COL4A1: variants seen among roughly 807,000 people sequenced by gnomAD.
COL4A1 encodes collagen type IV alpha 1 chain, also known as collagen alpha-1(IV) chain.
In COL4A1, 40 loss-of-function variants were observed where a neutral mutation model predicts 216.6. That is an observed-to-expected ratio of 0.18 (90% CI 0.14 to 0.24). COL4A1 has a LOEUF of 0.24. Ranked by LOEUF, COL4A1 falls within the 10% of genes least tolerant of loss-of-function variation. The probability of loss-of-function intolerance (pLI) is 1.00; values close to 1 mark genes in which losing one functional copy is unlikely to be tolerated. For synonymous variants in COL4A1, 839 were observed against 810.7 expected (o/e 1.03, Z -0.59); for missense variants, 1,628 against 2,196.8 (o/e 0.74, Z 5.18).
At chr13:110,281,601 C>G (rs1284383108) in intron 1 of COL4A1, among the ~76,000 whole-genome samples, 1 of 152,166 alleles carries the variant, frequency 6.6e-6, no homozygotes, top group African/African-American at 2.4e-5. Flanking sequence ...CATCAAAAAT[C>G]TATAAATTAA....
In COL4A1 at chr13:110,176,417, A is replaced by G. The variant is rs1365635423; in HGVS notation, c.3058+7T>C. 1 of 1,601,722 alleles carries G rather than the reference A, an allele frequency of 6.2e-7. No individual in the cohort carries two copies. The highest frequency in any genetic ancestry group is 8.6e-7 in the Non-Finnish European group (1 of 1,168,656). Reference sequence around the variant, plus strand: ...TGCTAAAGAATCCTCTTCTAAATCCAGTTTACCTGGCAAGCCCATTCCACC... The same window carrying G: ...TGCTAAAGAATCCTCTTCTAAATCCGGTTTACCTGGCAAGCCCATTCCACC... On this transcript the variant is annotated splice_region_variant and intron_variant, in intron 36 of 51. Coordinates refer to ENST00000375820, the MANE Select transcript of COL4A1 (RefSeq NM_001845.6).
chr13:110,288,650 C>T (rs1883946326), intron 1 of COL4A1, among the ~76,000 whole-genome samples: 1 of 152,198 alleles, frequency 6.6e-6, no homozygotes, highest in Non-Finnish European at 1.5e-5. Flanking sequence ...GCATAACAGA[C>T]TGATTTTCCA....
intron 1 of COL4A1, among the ~76,000 whole-genome samples, chr13:110,297,404 A>G (rs1884317885): frequency 6.6e-6 from 1 of 152,188 alleles, no homozygotes; most frequent in Admixed American, 6.5e-5. Flanking sequence ...CGACCTTCAC[A>G]ACACAATAAA....
At chr13:110,201,662 G>C (rs771804150) in intron 18 of COL4A1, 140 bp from the exon 19 acceptor site, 3 of 838,278 alleles carry the variant, frequency 3.6e-6, no homozygotes, top group Non-Finnish European at 6.2e-6. Flanking sequence ...AATGGTAGCG[G>C]ACAAGGAGGA....
chr13:110,246,892 C>T (rs1438126586), intron 1 of COL4A1, among the ~76,000 whole-genome samples: 5 of 152,048 alleles, frequency 3.3e-5, no homozygotes, highest in African/African-American at 1.2e-4. Context: ...CCCGAGTGGT[C>T]ATGAGGATGA....
At chr13:110,153,781 C>T (rs892765132) in intron 50 of COL4A1, among the ~76,000 whole-genome samples, 3 of 152,064 alleles carry the variant, frequency 2.0e-5, no homozygotes, top group African/African-American at 7.2e-5. Flanking sequence ...TACACGTGCA[C>T]GAACATTTTA....
chr13:110,250,352 A>G (rs1882017532), intron 1 of COL4A1, among the ~76,000 whole-genome samples: 1 of 152,210 alleles, frequency 6.6e-6, no homozygotes, highest in Non-Finnish European at 1.5e-5. Flanking sequence ...TTTGCAGGGC[A>G]GAAAGGCTCC....
rs747393485 is a variant in COL4A1 at position 110,162,410 on chromosome 13, C to T, written c.4282G>A (p.Asp1428Asn). The T allele has an allele frequency of 1.7e-5, 27 of 1,614,068 alleles. No individual in the cohort carries two copies. In the South Asian group the frequency reaches 2.3e-4, roughly 14 times the overall value. The change falls in exon 48 of 52, where the codon GAT becomes AAT. Residue 1428 changes from aspartate (D) to asparagine (N), a missense_variant. Physicochemically the swap from Asp to Asn is conservative, Grantham distance 23. This residue lies in a region of COL4A1 where 23 missense variants were observed against 55.3 expected (regional missense o/e 0.42). Coordinates refer to ENST00000375820, the MANE Select transcript of COL4A1 (RefSeq NM_001845.6). ...PRGFPGPPGP[D>N]GLPGSMGPPG... ...GGCCCCATGGATCCTGGCAACCCAT[C>T]GGGGCCTGGTGGACCTGGAAATCCT...
At chr13:110,165,083 A>C (rs1877275790) in intron 45 of COL4A1, 93 bp from the exon 46 acceptor site, 1 of 1,537,034 alleles carries the variant, frequency 6.5e-7, no homozygotes, top group African/African-American at 1.4e-5. Flanking sequence ...AAGCTATCCA[A>C]ATGGAACGTA....
intron 2 of COL4A1, among the ~76,000 whole-genome samples, chr13:110,233,954 G>T (rs1436093824): frequency 1.3e-5 from 2 of 152,190 alleles, no homozygotes; most frequent in African/African-American, 4.8e-5. Context: ...TAGCTGGATG[G>T]GGATCCATGT....
chr13:110,257,928 T>C (rs1882650971), intron 1 of COL4A1, among the ~76,000 whole-genome samples: 1 of 152,200 alleles, frequency 6.6e-6, no homozygotes, highest in Non-Finnish European at 1.5e-5. Flanking sequence ...AAATAAGAAA[T>C]ACATAAAATA....
chr13:110,278,808 T>C (rs1021077974), intron 1 of COL4A1, among the ~76,000 whole-genome samples: 5 of 152,222 alleles, frequency 3.3e-5, no homozygotes, highest in African/African-American at 1.2e-4. Flanking sequence ...TCCATCTGCC[T>C]AGACTGTGGG....
At chr13:110,296,096 A>C (rs1055327132) in intron 1 of COL4A1, among the ~76,000 whole-genome samples, 1 of 152,242 alleles carries the variant, frequency 6.6e-6, no homozygotes, top group Non-Finnish European at 1.5e-5. Context: ...GGACCTTCCC[A>C]TAAATCGCTT....
chr13:110,152,544 TC>T, intron 50 of COL4A1, 38 bp from the exon 51 acceptor site: 2 of 1,588,254 alleles, frequency 1.3e-6, no homozygotes. Context: ...AGAGGTTCCC[TC>T]CCCAAACACC....
chr13:110,180,732 G>A (rs574212692), intron 29 of COL4A1, among the ~76,000 whole-genome samples: 5 of 152,364 alleles, frequency 3.3e-5, no homozygotes, highest in African/African-American at 1.2e-4. Context: ...TTCTCAAGCC[G>A]GGGCAATCTG....
At chr13:110,199,487 G>A (rs1479235398) in intron 20 of COL4A1, among the ~76,000 whole-genome samples, 4 of 152,226 alleles carry the variant, frequency 2.6e-5, no homozygotes, top group East Asian at 1.9e-4. Context: ...CCCGAGGGGC[G>A]GCCCCTGTGG....
chr13:110,272,804 G>A (rs1324708657), intron 1 of COL4A1, among the ~76,000 whole-genome samples: 1 of 152,180 alleles, frequency 6.6e-6, no homozygotes, highest in African/African-American at 2.4e-5. Flanking sequence ...AAGCCACATT[G>A]GAATGTCACC....
chr13:110,153,888 C>T (rs1017669859), intron 50 of COL4A1, among the ~76,000 whole-genome samples: 2 of 152,140 alleles, frequency 1.3e-5, no homozygotes, highest in Admixed American at 6.5e-5. Flanking sequence ...GTGGGCGCCT[C>T]GCACACAGCA....
At chr13:110,159,491 T>C (rs1468890742) in intron 49 of COL4A1, among the ~76,000 whole-genome samples, 1 of 152,170 alleles carries the variant, frequency 6.6e-6, no homozygotes, top group Non-Finnish European at 1.5e-5. Context: ...TGGGACCCTG[T>C]GCGCTGTGGC....
Sources: allele counts gnomAD v4.1 joint callset (sites outside exome capture counted in the v4.1 genomes callset), GRCh38; gene constraint gnomAD v4.1.1; regional missense constraint gnomAD v4.1.1; transcripts MANE v1.5; gene names NCBI Gene and HGNC (gene_info 2026-07-23, HGNC 2026-07-21).